The following ANKRD11 variants were observed in gnomAD, a reference collection of about 807,000 sequenced individuals.
ANKRD11 encodes ankyrin repeat domain 11.
A neutral mutation model predicts 195.7 loss-of-function variants in ANKRD11; 17 were observed. The ratio of observed to expected loss-of-function variants is 0.09; its 90% confidence interval spans 0.06 to 0.13. The LOEUF is 0.13. ANKRD11 is among the 10% of genes least tolerant of loss of function. The pLI is 1.00. For synonymous variants in ANKRD11, 1,953 were observed against 1,528.1 expected, an observed-to-expected ratio of 1.28 and a Z score of -6.49; for missense variants, 3,735 against 3,566.1, an observed-to-expected ratio of 1.05 and a Z score of -1.21.
chr16:89,310,265 G>C (rs1157968602), intron 3 of ANKRD11, among the ~76,000 whole-genome samples: 1 of 152,206 alleles, frequency 6.6e-6, no homozygotes, highest in African/African-American at 2.4e-5. Context: ...TGCAGGGTCT[G>C]CCTGTGAGCT....
chr16:89,320,835 C>G (rs2037272185), intron 2 of ANKRD11, among the ~76,000 whole-genome samples: 1 of 152,264 alleles, frequency 6.6e-6, no homozygotes, highest in Admixed American at 6.5e-5. Context: ...CCCTGTGCCT[C>G]TCCACACTGC....
intron 2 of ANKRD11, among the ~76,000 whole-genome samples, chr16:89,416,405 G>A (rs993658896): frequency 4.0e-5 from 6 of 151,866 alleles, no homozygotes; most frequent in Non-Finnish European, 7.4e-5. Flanking sequence ...TTCAAGCAAC[G>A]CTCCTGCCTC....
chr16:89,344,132 G>T (rs1399888447), intron 2 of ANKRD11, among the ~76,000 whole-genome samples: 8 of 152,158 alleles, frequency 5.3e-5, no homozygotes, highest in Admixed American at 5.2e-4. Context: ...AACAAACCCT[G>T]GAGTCTGTGC....
intron 7 of ANKRD11, chr16:89,286,659 A>G (rs1226184391): frequency 8.1e-7 from 1 of 1,228,442 alleles, no homozygotes; most frequent in Non-Finnish European, 1.0e-6. Flanking sequence ...ACAAAGACCA[A>G]GTTTCTGCAA....
At chr16:89,343,501 G>C (rs1457958914) in intron 2 of ANKRD11, among the ~76,000 whole-genome samples, 1 of 152,214 alleles carries the variant, frequency 6.6e-6, no homozygotes, top group Non-Finnish European at 1.5e-5. Flanking sequence ...GTGTGAGTGA[G>C]TGAGCGAGCA....
chr16:89,334,840 A>G (rs1020371718), intron 2 of ANKRD11, among the ~76,000 whole-genome samples: 1 of 152,158 alleles, frequency 6.6e-6, no homozygotes, highest in Admixed American at 6.5e-5. Context: ...CACGGGGCGC[A>G]CGTGTCCATA....
chr16:89,356,190 A>G (rs1033470452), intron 2 of ANKRD11, among the ~76,000 whole-genome samples: 2 of 152,250 alleles, frequency 1.3e-5, no homozygotes, highest in African/African-American at 2.4e-5. Flanking sequence ...ATCTTTGTTT[A>G]TAACATTTAT....
At chr16:89,292,055 C>A (rs2035095855) in intron 4 of ANKRD11, among the ~76,000 whole-genome samples, 1 of 152,202 alleles carries the variant, frequency 6.6e-6, no homozygotes, top group Non-Finnish European at 1.5e-5. Context: ...GGGCCAGACA[C>A]CTCTGAATCC....
At chr16:89,460,980 C>A (rs1378401331) in intron 1 of ANKRD11, among the ~76,000 whole-genome samples, 1 of 77,030 alleles carries the variant, frequency 1.3e-5, no homozygotes, top group African/African-American at 5.1e-5. Context: ...CCCCCCCCCC[C>A]AACAGGAGAC....
intron 2 of ANKRD11, among the ~76,000 whole-genome samples, chr16:89,388,898 A>G (rs2965824): frequency 0.59 from 90,355 of 152,072 alleles, 27,207 homozygotes; most frequent in Middle Eastern, 0.72. Context: ...GCTGAAAGGG[A>G]CAAAAAGGTT....
In ANKRD11 at chr16:89,284,291, T is replaced by C. The variant is rs771726034; in HGVS notation, c.2251A>G (p.Lys751Glu). 6.2e-7 allele frequency: 1 copy of C among 1,613,976 alleles called. No individual in the cohort carries two copies. Among genetic ancestry groups the C allele is most frequent in the Non-Finnish European group, 8.5e-7 (1 of 1,180,024 alleles). Residue 751 changes from lysine (K) to glutamate (E), a missense_variant, in exon 9 of 13, where the codon AAG becomes GAG. Coordinates refer to ENST00000301030, the MANE Select transcript of ANKRD11 (RefSeq NM_013275.6). Reference protein sequence around the residue: ...KAEKERSLKEKSPKEEKLRLY... With the variant: ...KAEKERSLKEESPKEEKLRLY... ...CTCAGTTTTTCTTCTTTCGGAGACT[T>C]TTCCTTCAGCGATCTCTCCTTTTCT...
At chr16:89,410,158 C>T (rs1238079600) in intron 2 of ANKRD11, among the ~76,000 whole-genome samples, 1 of 152,142 alleles carries the variant, frequency 6.6e-6, no homozygotes, top group Non-Finnish European at 1.5e-5. Flanking sequence ...ATTTAAAACA[C>T]AGTTTGCTGT....
Position 89,288,510 on chromosome 16 carries a change from G to A in ANKRD11, c.744+18C>T. 1 of 1,614,066 alleles carries A rather than the reference G, an allele frequency of 6.2e-7. No homozygotes were observed. The highest frequency in any genetic ancestry group is 8.5e-7 in the Non-Finnish European group (1 of 1,180,022). On this transcript the variant is annotated intron_variant, in intron 7 of 12. Coordinates refer to ENST00000301030, the MANE Select transcript of ANKRD11 (RefSeq NM_013275.6). ...TGCCAGGACAGGCCGGATGTGTGAA[G>A]AACGGGGGGATGCCAACCTTGTAGT...
chr16:89,307,046 C>T (rs2036324228), intron 3 of ANKRD11, among the ~76,000 whole-genome samples: 1 of 148,466 alleles, frequency 6.7e-6, no homozygotes, highest in Non-Finnish European at 1.5e-5. Flanking sequence ...GCGCTCGGGA[C>T]GTGGGGAGGG....
chr16:89,359,802 A>T (rs753381498), intron 2 of ANKRD11, among the ~76,000 whole-genome samples: 1 of 152,214 alleles, frequency 6.6e-6, no homozygotes. Context: ...ATGCAGAAAG[A>T]TAAGATAGTT....
At chr16:89,317,153 A>C in intron 2 of ANKRD11, 75 bp from the exon 3 acceptor site, 1 of 993,908 alleles carries the variant, frequency 1.0e-6, no homozygotes, top group Non-Finnish European at 1.5e-6. Flanking sequence ...ACCGCACTCA[A>C]CAGACTCAGT....
intron 4 of ANKRD11, chr16:89,301,424 G>T: frequency 2.5e-6 from 1 of 396,906 alleles, no homozygotes; most frequent in South Asian, 1.4e-4. Flanking sequence ...GTAGAGGACA[G>T]ACTTCAAAAG....
chr16:89,270,227 T>C (rs2033016487), intron 12 of ANKRD11: 1 of 182,930 alleles, frequency 5.5e-6, no homozygotes, highest in Non-Finnish European at 1.2e-5. Flanking sequence ...CACGGGTGCT[T>C]GGTTCAGGGA....
At position 89,422,767 on chromosome 16, in the gene ANKRD11, T is replaced by C. The variant is rs74946980; in HGVS notation, c.-144-4399A>G. ...AGGAACGGAAGTTCAAGATTGCTCA[T>C]GTTTTTATTACAGTCTCCCTTTTCT... On this transcript the variant is annotated intron_variant, in intron 1 of 12. Coordinates refer to ENST00000301030, the MANE Select transcript of ANKRD11 (RefSeq NM_013275.6). Among the ~76,000 whole-genome samples the C allele has an allele frequency of 4.3e-4, 66 of 152,372 alleles. No individual in the cohort carries two copies. The East Asian group carries it at 0.012, about 28-fold the overall frequency.
Sources: allele counts gnomAD v4.1 joint callset (sites outside exome capture counted in the v4.1 genomes callset), GRCh38; gene constraint gnomAD v4.1.1; transcripts MANE v1.5; gene names NCBI Gene and HGNC (gene_info 2026-07-23, HGNC 2026-07-21).